Variants in CRPPA observed in about 807,000 individuals in gnomAD.
CRPPA encodes the protein D-ribitol-5-phosphate cytidylyltransferase.
Under a neutral mutation model 52.0 loss-of-function variants are expected in CRPPA, and 43 were observed. The observed-to-expected ratio is 0.83, with a 90% CI of 0.65 to 1.07. The LOEUF (loss-of-function observed/expected upper bound fraction) is 1.07. CRPPA is among the 50% of genes least tolerant of loss of function. CRPPA has a pLI of 0.00. For synonymous variants in CRPPA, 250 were observed against 203.5 expected (o/e 1.23, Z -1.94); for missense variants, 629 against 551.7 (o/e 1.14, Z -1.40).
At chr7:16,151,812 AT>A in intron 9 of CRPPA, among the ~76,000 whole-genome samples, 1 of 152,076 alleles carries the variant, frequency 6.6e-6, no homozygotes, top group South Asian at 2.1e-4. Flanking sequence ...TTTCAACGTA[AT>A]TTTTCTAGAA....
chr7:16,348,203 A>G (rs1285022255), intron 3 of CRPPA, among the ~76,000 whole-genome samples: 1 of 152,148 alleles, frequency 6.6e-6, no homozygotes, highest in Non-Finnish European at 1.5e-5. Flanking sequence ...AAGTCTATTA[A>G]TTTATCCTGA....
At chr7:16,136,891 C>T (rs55780138) in intron 9 of CRPPA, among the ~76,000 whole-genome samples, 33,519 of 152,014 alleles carry the variant, frequency 0.22, 4,730 homozygotes, top group Admixed American at 0.33. Flanking sequence ...TTCCCTATAT[C>T]TGATAGCTTT....
chr7:16,407,469 C>T (rs534131800), intron 1 of CRPPA, among the ~76,000 whole-genome samples: 5 of 152,262 alleles, frequency 3.3e-5, no homozygotes, highest in African/African-American at 7.2e-5. Flanking sequence ...ACCCATGATA[C>T]GAATTCTGAA....
chr7:16,169,722 C>G (rs1781139318), intron 9 of CRPPA, among the ~76,000 whole-genome samples: 1 of 152,136 alleles, frequency 6.6e-6, no homozygotes, highest in Non-Finnish European at 1.5e-5. Context: ...TTCACTAGTG[C>G]CTCTCTCATC....
intron 5 of CRPPA, among the ~76,000 whole-genome samples, chr7:16,294,632 G>C (rs908767198): frequency 6.6e-6 from 1 of 151,890 alleles, no homozygotes; most frequent in Non-Finnish European, 1.5e-5. Context: ...AAAATATTAT[G>C]TATAAAGAAG....
chr7:16,287,404 C>T (rs1489737659), intron 5 of CRPPA, among the ~76,000 whole-genome samples: 1 of 152,166 alleles, frequency 6.6e-6, no homozygotes, highest in Non-Finnish European at 1.5e-5. Context: ...CTTTGGAACA[C>T]AGTACCAAGA....
At chr7:16,270,291 GA>G (rs1169903285) in intron 6 of CRPPA, 4 of 151,812 alleles carry the variant, frequency 2.6e-5, no homozygotes, top group African/African-American at 2.4e-5. Context: ...GTTCCTTTAG[GA>G]AGAGTAATAT....
intron 3 of CRPPA, among the ~76,000 whole-genome samples, chr7:16,358,713 C>A (rs2128308784): frequency 6.6e-6 from 1 of 152,280 alleles, no homozygotes; most frequent in African/African-American, 2.4e-5. Flanking sequence ...GGTATCTTGG[C>A]ATTCAACAGT....
chr7:16,209,447 C>T (rs186387354), intron 9 of CRPPA, among the ~76,000 whole-genome samples: 6 of 151,698 alleles, frequency 4.0e-5, no homozygotes, highest in Non-Finnish European at 7.4e-5. Flanking sequence ...AATTTTTGTA[C>T]GTTTAGTAGA....
chr7:16,243,556 T>C (rs1402561704), intron 8 of CRPPA, among the ~76,000 whole-genome samples: 1 of 152,038 alleles, frequency 6.6e-6, no homozygotes, highest in Non-Finnish European at 1.5e-5. Context: ...ATGAAACATA[T>C]AAAAATAAAG....
intron 9 of CRPPA, among the ~76,000 whole-genome samples, chr7:16,212,208 C>T (rs79554438): frequency 0.03 from 4,617 of 152,192 alleles, 196 homozygotes; most frequent in African/African-American, 0.1. Context: ...ATGGCTTCTC[C>T]GTGGCTTGGT....
chr7:16,387,557 A>G (rs987662149), intron 2 of CRPPA, among the ~76,000 whole-genome samples: 1 of 147,966 alleles, frequency 6.8e-6, no homozygotes, highest in Non-Finnish European at 1.5e-5. Flanking sequence ...ACAACTGTCA[A>G]ACTAAATTTT....
chr7:16,413,465 C>G (rs1330926392), intron 1 of CRPPA, among the ~76,000 whole-genome samples: 7 of 152,230 alleles, frequency 4.6e-5, no homozygotes, highest in Admixed American at 4.6e-4. Flanking sequence ...AACCACACAA[C>G]TAAAAGCTTT....
At chr7:16,123,968 T>G (rs980843448) in intron 9 of CRPPA, among the ~76,000 whole-genome samples, 1 of 152,188 alleles carries the variant, frequency 6.6e-6, no homozygotes, top group Non-Finnish European at 1.5e-5. Context: ...ATGCCTTAGG[T>G]TGATTTCCTA....
At chr7:16,333,428 C>A (rs573829712) in intron 3 of CRPPA, among the ~76,000 whole-genome samples, 41 of 152,232 alleles carry the variant, frequency 2.7e-4, no homozygotes, top group African/African-American at 9.9e-4. Context: ...GATAGCTTAA[C>A]ATTCCTGAAA....
intron 9 of CRPPA, among the ~76,000 whole-genome samples, chr7:16,114,972 G>A (rs1339813948): frequency 6.6e-6 from 1 of 151,896 alleles, no homozygotes; most frequent in African/African-American, 2.4e-5. Context: ...AAATAATGAG[G>A]CAAAAGACTA....
intron 8 of CRPPA, among the ~76,000 whole-genome samples, chr7:16,232,837 T>C (rs1447921755): frequency 1.3e-5 from 2 of 152,068 alleles, no homozygotes; most frequent in Non-Finnish European, 2.9e-5. Context: ...CCAAACCTTT[T>C]AAAAAGCAGA....
chr7:16,386,325 T>C (rs984399174), intron 2 of CRPPA, among the ~76,000 whole-genome samples: 3 of 152,190 alleles, frequency 2.0e-5, no homozygotes, highest in Non-Finnish European at 4.4e-5. Flanking sequence ...TCTGCTCTTC[T>C]GCTCATGGAG....
intron 3 of CRPPA, among the ~76,000 whole-genome samples, chr7:16,364,329 G>T (rs62441091): frequency 6.6e-6 from 1 of 151,956 alleles, no homozygotes; most frequent in South Asian, 2.1e-4. Flanking sequence ...ATTGATGAAT[G>T]AATTCTTAAA....
Sources: gnomAD v4.1 joint callset for allele counts (sites outside exome capture counted in the v4.1 genomes callset) on GRCh38, gnomAD v4.1.1 for gene constraint, MANE v1.5 for transcripts, NCBI Gene and HGNC (gene_info 2026-07-23, HGNC 2026-07-21) for gene names.